Variants in GALNT13 observed in about 807,000 individuals in gnomAD.
GALNT13 encodes polypeptide N-acetylgalactosaminyltransferase 13, also known as UDP-GalNAc:polypeptide N-acetylgalactosaminyltransferase 13.
In GALNT13, 28 loss-of-function variants were observed where a neutral mutation model predicts 64.2. The ratio of observed to expected loss-of-function variants is 0.44; its 90% CI spans 0.32 to 0.60. The LOEUF (loss-of-function observed/expected upper bound fraction) is 0.60, where lower values mean the gene tolerates loss of function less well. Ranked by LOEUF, GALNT13 falls within the 20% of genes least tolerant of loss-of-function variation. GALNT13 has a pLI of 0.05. For missense variants in GALNT13, 577 were observed against 669.8 expected, an observed-to-expected ratio of 0.86 and a Z score of 1.53; for synonymous variants, 214 against 224.6, an observed-to-expected ratio of 0.95 and a Z score of 0.42.
chr2:154,241,738 C>A (rs1293938757), intron 4 of GALNT13, among the ~76,000 whole-genome samples: 2 of 152,112 alleles, frequency 1.3e-5, no homozygotes, highest in Non-Finnish European at 2.9e-5. Flanking sequence ...TTACCAGTTT[C>A]AGAATGTTAT....
the GALNT13 span, among the ~76,000 whole-genome samples, chr2:153,809,926 A>G: frequency 6.6e-6 from 1 of 151,972 alleles, no homozygotes; most frequent in African/African-American, 2.4e-5. Flanking sequence ...GTTGCCATTA[A>G]CATATAAATA....
chr2:153,605,563 C>A, the GALNT13 span, among the ~76,000 whole-genome samples: 73,871 of 151,846 alleles, frequency 0.49, 19,262 homozygotes, highest in African/African-American at 0.67. Context: ...AAACAGTCTA[C>A]AGTCAATTCC....
the GALNT13 span, among the ~76,000 whole-genome samples, chr2:153,181,260 G>A: frequency 2.7e-5 from 4 of 150,348 alleles, no homozygotes; most frequent in African/African-American, 4.9e-5. Context: ...CTTCATTGAC[G>A]CATGGGTGTT....
At chr2:154,416,624 A>G (rs1700017734) in intron 11 of GALNT13, among the ~76,000 whole-genome samples, 1 of 152,170 alleles carries the variant, frequency 6.6e-6, no homozygotes, top group Non-Finnish European at 1.5e-5. Flanking sequence ...TCCAAAGAAA[A>G]GAAACGTTTC....
chr2:153,680,272 A>G, the GALNT13 span, among the ~76,000 whole-genome samples: 10 of 151,988 alleles, frequency 6.6e-5, no homozygotes, highest in East Asian at 1.9e-3. Context: ...TTATGTAAAT[A>G]TATTAGCTGT....
chr2:154,112,077 T>C (rs2193780), intron 3 of GALNT13, among the ~76,000 whole-genome samples: 115,097 of 152,128 alleles, frequency 0.76, 43,928 homozygotes, highest in East Asian at 0.96. Context: ...GCATCTATTC[T>C]AGTGAGGACA....
At position 154,351,682 on chromosome 2, in the gene GALNT13, C is replaced by CAAAAAAAAAAAA. The variant is rs567606376; in HGVS notation, c.1157-44282_1157-44271dup. ...TGGGCGACAAAGCGAGACTCCGTCT[C>CAAAAAAAAAAAA]AAAAAAAAAAAAAAAAAAAAAAAAA... On this transcript the variant is annotated intron_variant, in intron 9 of 12. Coordinates refer to ENST00000392825, the MANE Select transcript of GALNT13 (RefSeq NM_052917.4). Among the ~76,000 whole-genome samples the CAAAAAAAAAAAA allele has an allele frequency of 9.6e-4, 43 of 44,686 alleles. 10 individuals are homozygous for CAAAAAAAAAAAA. Among genetic ancestry groups the CAAAAAAAAAAAA allele is most frequent in the Admixed American group, 2.0e-3 (5 of 2,540 alleles). The allele number at this position is 44,686 out of a possible 152,430, so 29.3% of individuals were successfully genotyped here. A position where few individuals can be genotyped will look rare whatever the true frequency, so the allele number is the denominator to read the frequency against.
At chr2:153,739,537 A>T in the GALNT13 span, among the ~76,000 whole-genome samples, 2 of 139,746 alleles carry the variant, frequency 1.4e-5, no homozygotes, top group African/African-American at 2.6e-5. Context: ...ATTATTTTTT[A>T]ATGTATTTAT....
At chr2:153,922,824 ATAT>A (rs1202149581) in intron 2 of GALNT13, among the ~76,000 whole-genome samples, 5 of 152,046 alleles carry the variant, frequency 3.3e-5, no homozygotes, top group Non-Finnish European at 7.4e-5. Flanking sequence ...ACTCAGAGAT[ATAT>A]TATTTAATAA....
chr2:154,417,239 T>G (rs558352568), intron 11 of GALNT13, among the ~76,000 whole-genome samples: 5 of 134,806 alleles, frequency 3.7e-5, no homozygotes, highest in African/African-American at 1.4e-4. Flanking sequence ...AAGTGATGAC[T>G]CCGTCGAAAT....
the GALNT13 span, among the ~76,000 whole-genome samples, chr2:153,413,731 A>G: frequency 1.3e-5 from 2 of 152,206 alleles, no homozygotes; most frequent in East Asian, 1.9e-4. Context: ...AAGTACATTA[A>G]GACAAATGTT....
chr2:154,214,599 TG>T (rs1185614329), intron 4 of GALNT13, among the ~76,000 whole-genome samples: 4 of 152,082 alleles, frequency 2.6e-5, no homozygotes, highest in Non-Finnish European at 5.9e-5. Flanking sequence ...CTCATGATAG[TG>T]AGTGAGTTCT....
chr2:153,984,755 A>G (rs890033280), intron 3 of GALNT13, among the ~76,000 whole-genome samples: 4 of 151,914 alleles, frequency 2.6e-5, no homozygotes, highest in African/African-American at 9.7e-5. Flanking sequence ...TTATTGTTCT[A>G]CATATTCCTG....
chr2:153,867,954 C>T (rs184349272), upstream of GALNT13, among the ~76,000 whole-genome samples: 2 of 152,222 alleles, frequency 1.3e-5, no homozygotes, highest in Non-Finnish European at 2.9e-5. Flanking sequence ...TCTGTGTGGC[C>T]CAGTTCCTAA....
At chr2:153,097,651 T>A in the GALNT13 span, among the ~76,000 whole-genome samples, 6 of 152,210 alleles carry the variant, frequency 3.9e-5, no homozygotes, top group Non-Finnish European at 7.3e-5. Flanking sequence ...TGAAGTAAAA[T>A]CCTTTTATTC....
intron 9 of GALNT13, among the ~76,000 whole-genome samples, chr2:154,324,753 G>A (rs1285797135): frequency 6.6e-6 from 1 of 152,042 alleles, no homozygotes; most frequent in East Asian, 1.9e-4. Context: ...CAAAAGATGA[G>A]GTCACTGATT....
intron 3 of GALNT13, among the ~76,000 whole-genome samples, chr2:154,009,168 TC>T (rs1472356977): frequency 3.5e-3 from 221 of 63,920 alleles, no homozygotes; most frequent in African/African-American, 0.013. Context: ...CTCCATTGCT[TC>T]TTTTTTTTTC....
intron 12 of GALNT13, among the ~76,000 whole-genome samples, chr2:154,443,588 G>T (rs1701414786): frequency 6.6e-6 from 1 of 151,938 alleles, no homozygotes; most frequent in South Asian, 2.1e-4. Context: ...TATGCAGTCA[G>T]TTCATTAAAA....
intron 3 of GALNT13, among the ~76,000 whole-genome samples, chr2:154,038,617 A>G (rs1698801868): frequency 6.6e-6 from 1 of 152,162 alleles, no homozygotes; most frequent in African/African-American, 2.4e-5. Context: ...TCAACTCAAA[A>G]TGTATTAAAT....
Sources: gnomAD v4.1 joint callset for allele counts (sites outside exome capture counted in the v4.1 genomes callset) on GRCh38, gnomAD v4.1.1 for gene constraint, MANE v1.5 for transcripts, NCBI Gene and HGNC (gene_info 2026-07-23, HGNC 2026-07-21) for gene names.